The following KYNU variants were observed in gnomAD, a reference collection of about 807,000 sequenced individuals.
The protein encoded by KYNU is L-kynurenine hydrolase.
Under a neutral mutation model 59.2 loss-of-function variants are expected in KYNU, and 54 were observed. The observed-to-expected ratio is 0.91, with a 90% CI of 0.73 to 1.14. The LOEUF (loss-of-function observed/expected upper bound fraction) is 1.14. Ranked by LOEUF, KYNU falls within the 50% of genes most tolerant of loss-of-function variation. The pLI is 0.00. For synonymous variants in KYNU, 177 were observed against 192.0 expected, an observed-to-expected ratio of 0.92 and a Z score of 0.65; for missense variants, 567 against 554.4, an observed-to-expected ratio of 1.02 and a Z score of -0.23.
chr2:142,898,180 G>A (rs1163353619), intron 2 of KYNU, among the ~76,000 whole-genome samples: 2 of 152,116 alleles, frequency 1.3e-5, no homozygotes, highest in Non-Finnish European at 2.9e-5. Context: ...GCACACAGCT[G>A]AATTCTTTTC....
At chr2:143,035,349 C>T (rs1686866781) in intron 12 of KYNU, among the ~76,000 whole-genome samples, 1 of 152,220 alleles carries the variant, frequency 6.6e-6, no homozygotes. Flanking sequence ...GCTCATTTCA[C>T]TGCTGAGACT....
chr2:142,948,895 G>A (rs369044368), intron 4 of KYNU, among the ~76,000 whole-genome samples: 1 of 152,196 alleles, frequency 6.6e-6, no homozygotes. Flanking sequence ...TCTGAGACAA[G>A]GAAGGTCCCT....
chr2:142,916,585 A>G (rs1257828418), intron 2 of KYNU, among the ~76,000 whole-genome samples: 2 of 152,194 alleles, frequency 1.3e-5, no homozygotes, highest in African/African-American at 4.8e-5. Flanking sequence ...GCTGATCTGA[A>G]CATGAACCCA....
rs1003532713 is a variant in KYNU, at chr2:142,956,174, G to T, written c.436-29G>T. On this transcript the variant is annotated intron_variant, in intron 5 of 13. Transcript: ENST00000264170. ...ACAAATGTATAAATTGTGTATTAAT[G>T]CTTTCTCAATAAATCCATTTTATTG... The T allele has an allele frequency of 3.3e-6, 4 of 1,211,426 alleles. No homozygotes were observed. In the African/African-American group the frequency reaches 4.5e-5, roughly 14 times the overall value. The allele number at this position is 1,211,426 out of a possible 1,614,324, so 75.0% of individuals were successfully genotyped here.
chr2:142,945,958 G>A (rs1558936854), intron 4 of KYNU, among the ~76,000 whole-genome samples: 1 of 151,798 alleles, frequency 6.6e-6, no homozygotes, highest in African/African-American at 2.4e-5. Context: ...GGCTGGTCCC[G>A]AACTCCTGAC....
intron 7 of KYNU, among the ~76,000 whole-genome samples, chr2:142,960,013 A>T (rs993613665): frequency 1.3e-5 from 2 of 152,126 alleles, no homozygotes; most frequent in African/African-American, 4.8e-5. Context: ...CCGCCACCCA[A>T]GTAGCTGGGA....
intron 10 of KYNU, among the ~76,000 whole-genome samples, chr2:142,992,430 A>T (rs572949595): frequency 1.4e-4 from 22 of 151,980 alleles, no homozygotes; most frequent in Admixed American, 1.4e-3. Flanking sequence ...TAATTATTAG[A>T]ATATTATAAT....
chr2:142,980,078 C>T (rs1685007608), intron 8 of KYNU, among the ~76,000 whole-genome samples: 1 of 152,072 alleles, frequency 6.6e-6, no homozygotes, highest in Non-Finnish European at 1.5e-5. Flanking sequence ...TGGGCAATTC[C>T]CAGAACCGAG....
chr2:142,968,514 A>T (rs866087863), intron 8 of KYNU, among the ~76,000 whole-genome samples: 39 of 152,326 alleles, frequency 2.6e-4, no homozygotes, highest in Middle Eastern at 3.4e-3. Flanking sequence ...AGCCATATTT[A>T]TATTAATTTT....
rs1573789552 is a variant in KYNU at position 142,918,788 on chromosome 2, A to C, written c.290+59A>C. 7.8e-6 allele frequency: 12 copies of C among 1,536,392 alleles called. No individual in the cohort carries two copies. In the East Asian group the frequency reaches 2.5e-4, roughly 32 times the overall value. On this transcript the variant is annotated intron_variant, in intron 3 of 13. Coordinates refer to ENST00000264170, the MANE Select transcript of KYNU (RefSeq NM_003937.3). Reference sequence around the variant, plus strand: ...CTCATACAAAAATTTACAAAATCACATTAGGTTGTCTAATATTTGGAAAGA... The same window carrying C: ...CTCATACAAAAATTTACAAAATCACCTTAGGTTGTCTAATATTTGGAAAGA...
At chr2:142,965,476 T>A (rs1684498543) in intron 8 of KYNU, among the ~76,000 whole-genome samples, 1 of 152,166 alleles carries the variant, frequency 6.6e-6, no homozygotes, top group Admixed American at 6.6e-5. Flanking sequence ...ACTCAGCAAC[T>A]CAATTATGTC....
chr2:143,005,217 G>A (rs183404125), intron 10 of KYNU, among the ~76,000 whole-genome samples: 4 of 152,272 alleles, frequency 2.6e-5, no homozygotes, highest in African/African-American at 4.8e-5. Flanking sequence ...CAGATGGAGA[G>A]ATCAATCCTT....
intron 4 of KYNU, among the ~76,000 whole-genome samples, chr2:142,945,257 G>A (rs1015204700): frequency 6.6e-6 from 1 of 152,184 alleles, no homozygotes; most frequent in Non-Finnish European, 1.5e-5. Flanking sequence ...AAAATTTGAA[G>A]CAATCCTCTG....
Position 142,953,765 on chromosome 2 carries a change from A to G in KYNU, c.374-1045A>G, listed in dbSNP as rs77370758. ...TGGAGAAATCTATGTGGCAAATGCA[A>G]CAAGAAGTTTTCCTTGACCCAATAA... is the stretch of plus-strand genomic sequence containing the variant. On this transcript the variant is annotated intron_variant, in intron 4 of 13. Coordinates refer to ENST00000264170, the MANE Select transcript of KYNU (RefSeq NM_003937.3). Among the ~76,000 whole-genome samples, 446 of 152,350 alleles carry G rather than the reference A, an allele frequency of 2.9e-3. 3 individuals carry two copies. Among genetic ancestry groups the G allele is most frequent in the Admixed American group, 0.012 (182 of 15,310 alleles).
At chr2:142,892,462 C>T (rs938978331) in intron 2 of KYNU, among the ~76,000 whole-genome samples, 1 of 152,014 alleles carries the variant, frequency 6.6e-6, no homozygotes, top group African/African-American at 2.4e-5. Context: ...TTTACATGAT[C>T]AAAGAATGTC....
chr2:142,939,623 GA>G (rs1683521782), intron 4 of KYNU, among the ~76,000 whole-genome samples: 1 of 99,720 alleles, frequency 1.0e-5, no homozygotes, highest in Non-Finnish European at 2.1e-5. Flanking sequence ...AAAAAAAAAA[GA>G]AAAAAGAAAA....
At chr2:143,031,334 C>T (rs1033811541) in intron 11 of KYNU, among the ~76,000 whole-genome samples, 3 of 152,104 alleles carry the variant, frequency 2.0e-5, no homozygotes, top group Admixed American at 6.5e-5. Context: ...GCTATACAGT[C>T]TCTGTGGCAA....
At position 142,986,717 on chromosome 2, in the gene KYNU, GA is replaced by G. The variant is rs575504059; in HGVS notation, c.902+707del. Among the ~76,000 whole-genome samples the G allele has an allele frequency of 5.3e-3, 755 of 143,046 alleles. 4 individuals are homozygous for G. The highest frequency in any genetic ancestry group is 0.015 in the African/African-American group (591 of 39,340). 93.8% of individuals were successfully genotyped at this position (143,046 alleles called of 152,430 possible). ...AAATAAAGAAATAATATGCTGGGAA[GA>G]AAAAAAAAAACCCTTTTCATAGTTG... On this transcript the variant is annotated intron_variant, in intron 10 of 13. Coordinates refer to ENST00000264170, the MANE Select transcript of KYNU (RefSeq NM_003937.3).
At chr2:142,994,538 A>T (rs1685486118) in intron 10 of KYNU, among the ~76,000 whole-genome samples, 1 of 152,068 alleles carries the variant, frequency 6.6e-6, no homozygotes, top group East Asian at 1.9e-4. Context: ...TTTGGTCAGG[A>T]TTTAAGAAGA....
Sources: allele counts gnomAD v4.1 joint callset (sites outside exome capture counted in the v4.1 genomes callset), GRCh38; gene constraint gnomAD v4.1.1; transcripts MANE v1.5; gene names NCBI Gene and HGNC (gene_info 2026-07-23, HGNC 2026-07-21).